The following NEK7 variants were observed in gnomAD, a reference collection of about 807,000 sequenced individuals.
NEK7 encodes the protein serine/threonine-protein kinase Nek7.
In NEK7, 18 loss-of-function variants were observed where a neutral mutation model predicts 44.6. That is an observed-to-expected ratio of 0.40 (90% CI 0.28 to 0.60). The LOEUF (loss-of-function observed/expected upper bound fraction) is 0.60, where lower values mean the gene tolerates loss of function less well. Ranked by LOEUF, NEK7 falls within the 20% of genes least tolerant of loss-of-function variation. The probability of loss-of-function intolerance (pLI) is 0.38; values close to 1 mark genes in which losing one functional copy is unlikely to be tolerated. For missense variants in NEK7, 256 were observed against 366.5 expected, an observed-to-expected ratio of 0.70 and a Z score of 2.46; for synonymous variants, 130 against 121.1, an observed-to-expected ratio of 1.07 and a Z score of -0.48.
intron 1 of NEK7, among the ~76,000 whole-genome samples, chr1:198,205,765 T>C (rs111847517): frequency 1.3e-5 from 2 of 152,178 alleles, no homozygotes; most frequent in African/African-American, 2.4e-5. Flanking sequence ...CTATTTCTTA[T>C]TAGGTTCACA....
At chr1:198,213,542 G>A (rs1665836655) in intron 1 of NEK7, among the ~76,000 whole-genome samples, 2 of 152,152 alleles carry the variant, frequency 1.3e-5, no homozygotes, top group Non-Finnish European at 2.9e-5. Flanking sequence ...CAGAGGAGGA[G>A]CACTCTCCTC....
rs1653131193 is a variant in NEK7, at chr1:198,253,111, A to G, written c.129A>G (p.Gly43=). The part of the protein sequence containing the change: ...NFRIEKKIGR[G]QFSEVYRAAC... ...GAATAGAAAAGAAAATTGGTCGCGG[A>G]CAATTTAGTGAAGTTTATAGAGCAG... Residue 43 remains glycine (G), a synonymous_variant, in exon 3 of 10, where the codon GGA becomes GGG. Coordinates refer to ENST00000367385, the MANE Select transcript of NEK7 (RefSeq NM_133494.3). The G allele has an allele frequency of 6.2e-7, 1 of 1,611,896 alleles. No individual in the cohort carries two copies. The highest frequency in any genetic ancestry group is 1.3e-5 in the African/African-American group (1 of 74,850).
rs1655541420 is a variant in NEK7, at chr1:198,321,789, A to G, written c.*2267A>G. The G allele has an allele frequency of 6.6e-6, 1 of 152,114 alleles. No homozygotes were observed. The highest frequency in any genetic ancestry group is 1.5e-5 in the Non-Finnish European group (1 of 67,972). 9.4% of individuals were successfully genotyped at this position (152,114 alleles called of 1,614,324 possible). A position where few individuals can be genotyped will look rare whatever the true frequency, so the allele number is the denominator to read the frequency against. Reference sequence around the variant, plus strand: ...AACTATGAAGATGATTTGAAGCTCTAATTTATATAGTCACCTATAAAATGT... The same window carrying G: ...AACTATGAAGATGATTTGAAGCTCTGATTTATATAGTCACCTATAAAATGT... On this transcript the variant is annotated 3_prime_UTR_variant, in exon 10 of 10. Transcript: ENST00000367385.
intron 7 of NEK7, among the ~76,000 whole-genome samples, chr1:198,289,468 C>T (rs1045281774): frequency 1.3e-5 from 2 of 152,008 alleles, no homozygotes; most frequent in Non-Finnish European, 2.9e-5. Flanking sequence ...TCATCTTTCT[C>T]ATTTTATCTT....
chr1:198,245,255 C>G (rs1050507800), intron 2 of NEK7: 13 of 169,194 alleles, frequency 7.7e-5, no homozygotes, highest in Middle Eastern at 5.1e-4. Context: ...AGAAGAAAAT[C>G]TACATATAAG....
intron 7 of NEK7, among the ~76,000 whole-genome samples, chr1:198,280,744 A>G (rs944057584): frequency 1.3e-5 from 2 of 148,304 alleles, no homozygotes; most frequent in Non-Finnish European, 3.0e-5. Flanking sequence ...TACATTATGT[A>G]TATTTATATA....
At chr1:198,170,950 A>G (rs1393575892) in intron 1 of NEK7, among the ~76,000 whole-genome samples, 2 of 152,208 alleles carry the variant, frequency 1.3e-5, no homozygotes, top group African/African-American at 2.4e-5. Flanking sequence ...TTTATTTTCA[A>G]GATGGAATCT....
intron 5 of NEK7, among the ~76,000 whole-genome samples, chr1:198,276,454 C>T (rs1051775486): frequency 6.6e-6 from 1 of 151,546 alleles, no homozygotes; most frequent in African/African-American, 2.4e-5. Context: ...TGGACTCATT[C>T]CAAGTCTGAA....
At chr1:198,277,722 G>A (rs995354943) in intron 5 of NEK7, 6 of 333,434 alleles carry the variant, frequency 1.8e-5, no homozygotes, top group Non-Finnish European at 3.3e-5. Flanking sequence ...GAAATAGTGG[G>A]ACATCACAAA....
intron 1 of NEK7, among the ~76,000 whole-genome samples, chr1:198,225,204 A>T (rs191332860): frequency 6.6e-6 from 1 of 151,724 alleles, no homozygotes; most frequent in Non-Finnish European, 1.5e-5. Flanking sequence ...AAAAAATTAT[A>T]AAAAAATTTA....
At chr1:198,265,028 A>G (rs1362263187) in intron 5 of NEK7, among the ~76,000 whole-genome samples, 1 of 152,110 alleles carries the variant, frequency 6.6e-6, no homozygotes, top group Admixed American at 6.6e-5. Flanking sequence ...TCTGTCACAT[A>G]AAAGTCTGGG....
Position 198,264,232 on chromosome 1 carries a change from C to A in NEK7, c.369C>A (p.Ile123=). 6.3e-7 allele frequency: 1 copy of A among 1,584,016 alleles called. No homozygotes were observed. The highest frequency in any genetic ancestry group is 1.2e-5 in the South Asian group (1 of 84,418). Residue 123 remains isoleucine, a synonymous_variant, in exon 5 of 10, where the codon ATC becomes ATA. Coordinates refer to ENST00000367385, the MANE Select transcript of NEK7 (RefSeq NM_133494.3). The part of the protein sequence containing the change: ...LADAGDLSRM[I]KHFKKQKRLI... ...ATGCTGGCGACCTATCCAGAATGAT[C>A]AAGGTAAGTTTTGAAAAAATTGTCT...
Position 198,252,558 on chromosome 1 carries a change from ATATATATAT to A in NEK7, c.58-481_58-473del, listed in dbSNP as rs1558079253. Among the ~76,000 whole-genome samples, 227 of 60,628 alleles carry A rather than the reference ATATATATAT, an allele frequency of 3.7e-3. 4 individuals carry two copies. Among genetic ancestry groups the A allele is most frequent in the Admixed American group, 0.015 (72 of 4,690 alleles). The allele number at this position is 60,628 out of a possible 152,430, so 39.8% of individuals were successfully genotyped here. ...TATATATATATATATATATATATATATATATATATAAAAAGTACATATATACACATATAT... is the reference window on the plus strand; with the variant it reads ...TATATATATATATATATATATATATAAAAAAGTACATATATACACATATAT... On this transcript the variant is annotated intron_variant, in intron 2 of 9. Coordinates refer to ENST00000367385, the MANE Select transcript of NEK7 (RefSeq NM_133494.3).
chr1:198,253,785 C>T (rs970542455), intron 3 of NEK7, among the ~76,000 whole-genome samples: 1 of 152,118 alleles, frequency 6.6e-6, no homozygotes, highest in Non-Finnish European at 1.5e-5. Flanking sequence ...CTTTCCAAGT[C>T]CTGCCCTAAC....
At chr1:198,197,993 G>T in intron 1 of NEK7, 1 of 1,463,126 alleles carries the variant, frequency 6.8e-7, no homozygotes, top group South Asian at 1.4e-5. Flanking sequence ...TGGCATCCTG[G>T]ATACCCTGGC....
intron 2 of NEK7, among the ~76,000 whole-genome samples, chr1:198,233,818 A>C (rs1666471412): frequency 6.6e-6 from 1 of 150,988 alleles, no homozygotes; most frequent in Non-Finnish European, 1.5e-5. Context: ...AACCGTCTAC[A>C]AAAAACGATC....
chr1:198,304,970 A>G (rs16842733), intron 9 of NEK7, among the ~76,000 whole-genome samples: 12,551 of 152,134 alleles, frequency 0.082, 682 homozygotes, highest in East Asian at 0.17. Context: ...AGGCTTTTGT[A>G]TATTCAGACC....
At chr1:198,311,495 A>T (rs1426324412) in intron 9 of NEK7, among the ~76,000 whole-genome samples, 10 of 151,188 alleles carry the variant, frequency 6.6e-5, no homozygotes, top group East Asian at 5.9e-4. Context: ...GTGGTGAGAG[A>T]GGGCATCCCT....
chr1:198,281,312 A>G (rs1170681858), intron 7 of NEK7, among the ~76,000 whole-genome samples: 1 of 152,102 alleles, frequency 6.6e-6, no homozygotes, highest in African/African-American at 2.4e-5. Context: ...GTTGGCACTG[A>G]AAAGTAATTG....
Sources: allele counts gnomAD v4.1 joint callset (sites outside exome capture counted in the v4.1 genomes callset), GRCh38; gene constraint gnomAD v4.1.1; transcripts MANE v1.5; gene names NCBI Gene and HGNC (gene_info 2026-07-23, HGNC 2026-07-21).